CENPF: variants seen among roughly 807,000 people sequenced by gnomAD.
The protein encoded by CENPF is AH antigen.
Under a neutral mutation model 307.3 loss-of-function variants are expected in CENPF, and 214 were observed. The observed-to-expected ratio is 0.70, with a 90% CI of 0.62 to 0.78. The LOEUF (loss-of-function observed/expected upper bound fraction) is 0.78, where lower values mean the gene tolerates loss of function less well. CENPF is among the 30% of genes least tolerant of loss of function. The pLI is 0.00. For missense variants in CENPF, 3,401 were observed against 3,483.9 expected, an observed-to-expected ratio of 0.98 and a Z score of 0.60; for synonymous variants, 1,259 against 1,270.6, an observed-to-expected ratio of 0.99 and a Z score of 0.19.
chr1:214,630,385 C>T (rs1317924363), intron 8 of CENPF, 149 bp from the exon 9 acceptor site: 2 of 915,648 alleles, frequency 2.2e-6, no homozygotes, highest in African/African-American at 1.7e-5. Context: ...CCAAGGCTGA[C>T]TATGTTCATC....
intron 1 of CENPF, among the ~76,000 whole-genome samples, chr1:214,611,369 T>A (rs765435515): frequency 2.4e-4 from 37 of 152,066 alleles, no homozygotes; most frequent in Non-Finnish European, 4.4e-4. Flanking sequence ...GTTTTCTAAT[T>A]CTTTTTTTTT....
Position 214,620,680 on chromosome 1 carries a change from C to A in CENPF, c.599C>A (p.Ala200Asp), listed in dbSNP as rs1276687311. 1 of 1,613,720 alleles carries A rather than the reference C, an allele frequency of 6.2e-7. No individual in the cohort carries two copies. The highest frequency in any genetic ancestry group is 1.3e-5 in the African/African-American group (1 of 75,010). Residue 200 changes from alanine (A) to aspartate (D), a missense_variant, in exon 6 of 20, where the codon GCC (alanine) becomes GAC (aspartate). By Grantham distance (126) the Ala-to-Asp change is moderately radical. Transcript: ENST00000366955. ...AKKASQTLPQ[A>D]TMNHRDIARH... ...AAAGCAAGCCAGACTCTTCCACAAG[C>A]CACCATGAATCACCGCGACATTGCC...
Position 214,646,285 on chromosome 1 carries a change from C to G in CENPF, c.6715C>G (p.Leu2239Val). Residue 2239 changes from leucine to valine, a missense_variant, in exon 13 of 20, where the codon CTG becomes GTG. Physicochemically the swap from Leu to Val is conservative, Grantham distance 32. Transcript: ENST00000366955. ...LDKLLSSFKS[L>V]LEEKEQAEIQ... ...CAAGTTACTCTCTTCATTTAAAAGT[C>G]TGTTAGAAGAAAAGGAGCAAGCAGA... is the stretch of plus-strand genomic sequence containing the variant. The G allele has an allele frequency of 6.2e-7, 1 of 1,613,966 alleles. No individual in the cohort carries two copies. The highest frequency in any genetic ancestry group is 8.5e-7 in the Non-Finnish European group (1 of 1,179,980).
At chr1:214,632,676 CCATTT>C in intron 10 of CENPF, 74 bp downstream of exon 10, 1 of 1,540,984 alleles carries the variant, frequency 6.5e-7, no homozygotes, top group Non-Finnish European at 8.8e-7. Context: ...TATTCCTATT[CCATTT>C]GTCAGTTGCT....
chr1:214,608,249 C>T, intron 1 of CENPF: 2 of 1,487,254 alleles, frequency 1.3e-6, no homozygotes, highest in East Asian at 4.9e-5. Flanking sequence ...AGCCCGCCCC[C>T]CGGCCCCCGG....
chr1:214,633,839 G>T (rs1657877323), intron 10 of CENPF, among the ~76,000 whole-genome samples: 2 of 152,202 alleles, frequency 1.3e-5, no homozygotes, highest in Non-Finnish European at 2.9e-5. Context: ...TGGCCAGTGG[G>T]GACCAACCAA....
intron 8 of CENPF, among the ~76,000 whole-genome samples, chr1:214,630,297 TCCA>T (rs1448682232): frequency 6.6e-6 from 1 of 152,180 alleles, no homozygotes; most frequent in Non-Finnish European, 1.5e-5. Flanking sequence ...CAGGCTACTT[TCCA>T]TGTGGTCAAC....
chr1:214,609,080 A>G (rs1298542321), intron 1 of CENPF, among the ~76,000 whole-genome samples: 2 of 151,114 alleles, frequency 1.3e-5, no homozygotes, highest in Non-Finnish European at 3.0e-5. Context: ...TGGGAAGCCC[A>G]CCCCGGCCCG....
At chr1:214,616,956 C>T (rs1384808148) in intron 3 of CENPF, among the ~76,000 whole-genome samples, 1 of 120,368 alleles carries the variant, frequency 8.3e-6, no homozygotes, top group Non-Finnish European at 1.7e-5. Flanking sequence ...TCCCTTCCTT[C>T]CTTCCCTCCT....
At position 214,657,197 on chromosome 1, in the gene CENPF, C is replaced by A. The variant is rs372199261; in HGVS notation, c.8750C>A (p.Thr2917Asn). 77 of 1,614,014 alleles carry A rather than the reference C, an allele frequency of 4.8e-5. No homozygotes were observed. The highest frequency in any genetic ancestry group is 6.4e-5 in the Non-Finnish European group (76 of 1,180,034). The change falls in exon 18 of 20, where the codon ACT (threonine) becomes AAT (asparagine). Residue 2917 changes from threonine to asparagine, a missense_variant. Thr to Asn is a moderately conservative substitution (Grantham distance 65). Coordinates refer to ENST00000366955, the MANE Select transcript of CENPF (RefSeq NM_016343.4). ...VPGPSPIPSVTEKRLSSGQNK... is the reference protein window; with the variant it reads ...VPGPSPIPSVNEKRLSSGQNK... ...GGACCATCTCCAATCCCTTCTGTTA[C>A]TGAAAAGAGGTTATCATCTGGCCAA...
At chr1:214,628,025 C>A (rs1240637702) in intron 7 of CENPF, among the ~76,000 whole-genome samples, 1 of 152,096 alleles carries the variant, frequency 6.6e-6, no homozygotes, top group Non-Finnish European at 1.5e-5. Context: ...TGGCAGCAGA[C>A]CTGGAGTTCA....
intron 13 of CENPF, chr1:214,647,879 C>T: frequency 2.6e-6 from 1 of 386,930 alleles, no homozygotes; most frequent in South Asian, 1.9e-5. Flanking sequence ...ACCAACAGAG[C>T]ACTCATGGCT....
rs756993344 is a variant in CENPF, at chr1:214,620,695, G to A, written c.614G>A (p.Arg205His). ...QTLPQATMNH[R>H]DIARHQASSS... Reference sequence around the variant, plus strand: ...CTTCCACAAGCCACCATGAATCACCGCGACATTGCCCGGCATCAGGCTTCA... The same window carrying A: ...CTTCCACAAGCCACCATGAATCACCACGACATTGCCCGGCATCAGGCTTCA... Residue 205 changes from arginine to histidine, a missense_variant, in exon 6 of 20, where the codon CGC (arginine) becomes CAC (histidine). Physicochemically the swap from Arg to His is conservative, Grantham distance 29. Coordinates refer to ENST00000366955, the MANE Select transcript of CENPF (RefSeq NM_016343.4). The A allele has an allele frequency of 6.8e-6, 11 of 1,613,944 alleles. No homozygotes were observed. The highest frequency in any genetic ancestry group is 1.7e-5 in the Admixed American group (1 of 59,988).
intron 12 of CENPF, among the ~76,000 whole-genome samples, chr1:214,644,102 CTGGAT>C (rs1658212182): frequency 6.6e-6 from 1 of 152,138 alleles, no homozygotes. Flanking sequence ...ACAGTAAGTG[CTGGAT>C]TGGGGATTAA....
intron 7 of CENPF, among the ~76,000 whole-genome samples, chr1:214,628,674 A>G (rs1003811970): frequency 1.3e-5 from 2 of 152,210 alleles, no homozygotes; most frequent in African/African-American, 4.8e-5. Flanking sequence ...ACATTGTGGA[A>G]AGAAGCATTT....
In CENPF at chr1:214,651,888, TGAAA is replaced by T. The variant is rs756018950; in HGVS notation, c.8160+3_8160+6del. ...TTGCTTTTGGACACAAACAAACAGG[TGAAA>T]TGTGGGGTTTGGTTACTGGGGGAGC... On this transcript the variant is annotated splice_donor_5th_base_variant and intron_variant, in intron 15 of 19. Coordinates refer to ENST00000366955, the MANE Select transcript of CENPF (RefSeq NM_016343.4). 4.1e-5 allele frequency: 65 copies of T among 1,595,986 alleles called. 1 individual carries two copies. The South Asian group carries it at 7.2e-4, about 18-fold the overall frequency.
intron 9 of CENPF, among the ~76,000 whole-genome samples, chr1:214,631,769 G>A (rs960224989): frequency 3.3e-5 from 5 of 152,126 alleles, no homozygotes; most frequent in African/African-American, 7.2e-5. Flanking sequence ...CAAAGTGCTG[G>A]GATTACAGGC....
Position 214,663,688 on chromosome 1 carries a change from C to T in CENPF, c.9239C>T (p.Pro3080Leu), listed in dbSNP as rs775896085. The T allele has an allele frequency of 1.7e-5, 27 of 1,613,874 alleles. No individual in the cohort carries two copies. Among genetic ancestry groups the T allele is most frequent in the African/African-American group, 1.3e-4 (10 of 74,874 alleles). The change falls in exon 20 of 20, where the codon CCG (proline) becomes CTG (leucine). Residue 3080 changes from proline (P) to leucine (L), a missense_variant. Transcript: ENST00000366955. ...GTCAATAATCTTCCTGAGAGAAGTC[C>T]GACTGACAGCCCCAGAGAGGGCCTG... ...VPVNNLPERS[P>L]TDSPREGLRV...
At chr1:214,648,858 A>T in intron 14 of CENPF, 31 bp downstream of exon 14, 1 of 1,606,128 alleles carries the variant, frequency 6.2e-7, no homozygotes. Flanking sequence ...TGTTATTATG[A>T]TCTGTTAATT....
Sources: allele counts gnomAD v4.1 joint callset (sites outside exome capture counted in the v4.1 genomes callset), GRCh38; gene constraint gnomAD v4.1.1; transcripts MANE v1.5; gene names NCBI Gene and HGNC (gene_info 2026-07-23, HGNC 2026-07-21).